Variants in TTLL13 observed in about 807,000 individuals in gnomAD.
TTLL13 encodes tubulin polyglutamylase TTLL13.
the TTLL13 span, among the ~76,000 whole-genome samples, chr15:90,261,704 T>A: frequency 6.6e-6 from 1 of 152,112 alleles, no homozygotes; most frequent in Non-Finnish European, 1.5e-5. Context: ...TGCTTAAACC[T>A]GGGAGGCAGA....
chr15:90,250,774 A>T, the TTLL13 span: 1 of 1,614,154 alleles, frequency 6.2e-7, no homozygotes, highest in Non-Finnish European at 8.5e-7. Context: ...ATAAGGCATT[A>T]AAAAATGGGG....
chr15:90,263,299 C>T, the TTLL13 span: 1 of 653,918 alleles, frequency 1.5e-6, no homozygotes, highest in Non-Finnish European at 2.5e-6. Flanking sequence ...GGGAGAGGGT[C>T]TGTTGATTCC....
chr15:90,257,292 T>C, the TTLL13 span: 37 of 1,603,616 alleles, frequency 2.3e-5, no homozygotes, highest in Middle Eastern at 1.7e-4. Context: ...GTAAGGGGAC[T>C]GGGAAGCACT....
chr15:90,261,870 C>A, the TTLL13 span: 1 of 650,714 alleles, frequency 1.5e-6, no homozygotes, highest in Non-Finnish European at 2.5e-6. Context: ...ATGGGCTTGG[C>A]AGCTTTCCCT....
the TTLL13 span, among the ~76,000 whole-genome samples, chr15:90,260,742 TCAGGAGGCTGAGG>T: frequency 1.3e-5 from 2 of 150,290 alleles, no homozygotes; most frequent in Non-Finnish European, 2.9e-5. Flanking sequence ...TCCCAGCTAC[TCAGGAGGCTGAGG>T]CAGGAGAATC....
At chr15:90,256,095 G>T in the TTLL13 span, 1 of 1,604,218 alleles carries the variant, frequency 6.2e-7, no homozygotes, top group East Asian at 2.2e-5. Context: ...CCCCGGGAAA[G>T]CCTTGATGCA....
chr15:90,263,542 A>G, the TTLL13 span: 1 of 550,084 alleles, frequency 1.8e-6, no homozygotes, highest in Non-Finnish European at 3.2e-6. Context: ...ATTTGGGCCA[A>G]CAAAAGAGCT....
chr15:90,263,027 A>G, the TTLL13 span: 1 of 1,536,124 alleles, frequency 6.5e-7, no homozygotes, highest in Non-Finnish European at 8.7e-7. Context: ...GAGGAGCTGG[A>G]GCGGATGAAG....
the TTLL13 span, chr15:90,258,307 C>T: frequency 2.5e-6 from 4 of 1,576,514 alleles, no homozygotes; most frequent in Admixed American, 1.7e-5. Flanking sequence ...AACCAAGGTC[C>T]AGAGGCCTCC....
the TTLL13 span, chr15:90,258,071 G>A: frequency 6.2e-7 from 1 of 1,614,200 alleles, no homozygotes; most frequent in Non-Finnish European, 8.5e-7. Context: ...GGCTGCAAGA[G>A]CACAGCTACA....
At chr15:90,258,037 G>C in the TTLL13 span, 2 of 1,613,628 alleles carry the variant, frequency 1.2e-6, no homozygotes, top group African/African-American at 2.7e-5. Context: ...GGGCCTCGCA[G>C]GAAGCTGTCG....
At chr15:90,257,665 A>G in the TTLL13 span, 9 of 1,614,156 alleles carry the variant, frequency 5.6e-6, no homozygotes, top group Non-Finnish European at 7.6e-6. Context: ...CTGACCAACT[A>G]TGCTATCAAC....
At chr15:90,257,593 C>A in the TTLL13 span, 12 of 1,573,674 alleles carry the variant, frequency 7.6e-6, no homozygotes, top group Non-Finnish European at 1.0e-5. Flanking sequence ...GAGAGGACGG[C>A]CGCATGCAGA....
At chr15:90,264,727 A>T in the TTLL13 span, 1 of 1,536,034 alleles carries the variant, frequency 6.5e-7, no homozygotes, top group Non-Finnish European at 8.7e-7. Flanking sequence ...CAGAAGGACA[A>T]GCCAGCAGAA....
At chr15:90,263,445 A>G in the TTLL13 span, 1 of 477,210 alleles carries the variant, frequency 2.1e-6, no homozygotes, top group Non-Finnish European at 3.7e-6. Flanking sequence ...ACTGACAAAT[A>G]ACAAGCCCAC....
the TTLL13 span, chr15:90,256,162 C>T: frequency 8.7e-6 from 14 of 1,614,042 alleles, no homozygotes; most frequent in African/African-American, 1.3e-5. Flanking sequence ...TCCAGTCCTA[C>T]GGTCGTCAGC....
the TTLL13 span, among the ~76,000 whole-genome samples, chr15:90,256,540 T>G: frequency 1.3e-5 from 2 of 151,714 alleles, no homozygotes; most frequent in African/African-American, 4.9e-5. Context: ...CTCTGTCTCC[T>G]TCCTTTTTCT....
chr15:90,260,850 C>CA, the TTLL13 span, among the ~76,000 whole-genome samples: 5,481 of 59,728 alleles, frequency 0.092, 343 homozygotes, highest in East Asian at 0.29. Flanking sequence ...GACTCTGTCT[C>CA]AAAAAAAAAA....
chr15:90,252,545 A>T, the TTLL13 span, among the ~76,000 whole-genome samples: 1 of 152,116 alleles, frequency 6.6e-6, no homozygotes, highest in African/African-American at 2.4e-5. Flanking sequence ...ATTTGAAGGG[A>T]CTTCAACGAT....
Sources: gnomAD v4.1 joint callset for allele counts (sites outside exome capture counted in the v4.1 genomes callset) on GRCh38, gnomAD v4.1.1 for gene constraint, MANE v1.5 for transcripts, NCBI Gene and HGNC (gene_info 2026-07-23, HGNC 2026-07-21) for gene names.